The following PCDHA4 variants were observed in gnomAD, a reference collection of about 807,000 sequenced individuals.
The protein encoded by PCDHA4 is protocadherin alpha 4.
In PCDHA4, 49 loss-of-function variants were observed where a neutral mutation model predicts 61.4. That is an observed-to-expected ratio of 0.80 (90% CI 0.63 to 1.01). The LOEUF is 1.01. Among genes scored for constraint, PCDHA4 ranks in the 50% least tolerant of loss-of-function variants. PCDHA4 has a pLI of 0.00. For synonymous variants in PCDHA4, 590 were observed against 550.3 expected (o/e 1.07, Z -1.01); for missense variants, 1,254 against 1,235.8 (o/e 1.01, Z -0.22).
At chr5:140,830,335 G>C (rs1236321619) in intron 1 of PCDHA4, 10 of 1,613,956 alleles carry the variant, frequency 6.2e-6, no homozygotes, top group Non-Finnish European at 3.4e-6. Flanking sequence ...TGGGGAGCTG[G>C]TCGTACTCGC....
chr5:140,928,597 A>G (rs1554206042), intron 1 of PCDHA4: 1 of 1,614,226 alleles, frequency 6.2e-7, no homozygotes, highest in East Asian at 2.2e-5. Context: ...CCCAGTGGAA[A>G]TTGTGCCCCG....
At chr5:140,857,887 G>A (rs2044983684) in intron 1 of PCDHA4, 6 of 1,597,818 alleles carry the variant, frequency 3.8e-6, no homozygotes, top group Middle Eastern at 1.7e-4. Flanking sequence ...TGCAGTCGGC[G>A]GCGGTTGGTG....
intron 1 of PCDHA4, chr5:140,869,830 G>A: frequency 1.2e-6 from 2 of 1,611,658 alleles, no homozygotes; most frequent in Non-Finnish European, 1.7e-6. Flanking sequence ...TCCAGAGTTT[G>A]ATAAATCAGA....
chr5:140,870,391 G>C, intron 1 of PCDHA4: 1 of 1,614,230 alleles, frequency 6.2e-7, no homozygotes, highest in Non-Finnish European at 8.5e-7. Flanking sequence ...GCGGGATGGG[G>C]GTTCGCCTTC....
intron 1 of PCDHA4, chr5:140,842,268 A>C: frequency 6.2e-7 from 1 of 1,610,534 alleles, no homozygotes; most frequent in South Asian, 1.1e-5. Context: ...GAAAACTTAT[A>C]CAAAATCCTC....
At chr5:140,911,814 C>T (rs1165066555) in intron 1 of PCDHA4, among the ~76,000 whole-genome samples, 2 of 152,136 alleles carry the variant, frequency 1.3e-5, no homozygotes, top group African/African-American at 4.8e-5. Context: ...GCAGCCTTCT[C>T]CAGAAACCCC....
chr5:140,858,135 T>G lies in PCDHA4; in HGVS notation c.2385+48563T>G, dbSNP rs1215623176. 3 of 1,597,334 alleles carry G rather than the reference T, an allele frequency of 1.9e-6. No homozygotes were observed. The African/African-American group carries it at 4.0e-5, about 21-fold the overall frequency. ...GAGGTGGCCCTGGTGGATGTCAACG[T>G]GTACCTGATCATCGCCATCTGCGCG... is the stretch of plus-strand genomic sequence containing the variant. On this transcript the variant is annotated intron_variant, in intron 1 of 3. Transcript: ENST00000530339.
intron 1 of PCDHA4, among the ~76,000 whole-genome samples, chr5:140,832,218 GGA>G (rs1345967956): frequency 6.6e-6 from 1 of 152,174 alleles, no homozygotes; most frequent in Non-Finnish European, 1.5e-5. Context: ...GTGATTTCCT[GGA>G]GTTGGTTTTG....
At chr5:140,834,416 C>A (rs2150217412) in intron 1 of PCDHA4, 5 of 1,611,158 alleles carry the variant, frequency 3.1e-6, no homozygotes, top group Admixed American at 1.7e-5. Context: ...ACCCAGGGGG[C>A]CGACATCTAC....
chr5:140,882,929 G>A, intron 1 of PCDHA4: 1 of 1,614,160 alleles, frequency 6.2e-7, no homozygotes, highest in Non-Finnish European at 8.5e-7. Context: ...AGGTAAACCC[G>A]AGCTGACTGG....
chr5:140,942,926 GAA>G (rs1554215307), intron 1 of PCDHA4, among the ~76,000 whole-genome samples: 2 of 151,984 alleles, frequency 1.3e-5, no homozygotes, highest in East Asian at 3.9e-4. Flanking sequence ...AAAAAAAATT[GAA>G]AAAGAGTTTA....
At chr5:140,824,610 G>GTTTTTTTTTGT (rs1768200307) in intron 1 of PCDHA4, 1 of 95,104 alleles carries the variant, frequency 1.1e-5, no homozygotes, top group Non-Finnish European at 1.9e-5. Context: ...GCTAATTAAA[G>GTTTTTTTTTGT]TTTTTTTTTT....
intron 1 of PCDHA4, among the ~76,000 whole-genome samples, chr5:140,932,852 T>C (rs2088679496): frequency 1.3e-5 from 2 of 151,996 alleles, no homozygotes; most frequent in Non-Finnish European, 2.9e-5. Flanking sequence ...ATAATGTTAA[T>C]GACTTATTGT....
At chr5:140,937,316 C>T (rs1355509287) in intron 1 of PCDHA4, among the ~76,000 whole-genome samples, 7 of 152,044 alleles carry the variant, frequency 4.6e-5, no homozygotes, top group Admixed American at 3.9e-4. Context: ...GGATTACAGG[C>T]GTGAGCCACC....
At chr5:140,925,219 AG>A (rs1324328907) in intron 1 of PCDHA4, among the ~76,000 whole-genome samples, 1 of 152,238 alleles carries the variant, frequency 6.6e-6, no homozygotes, top group Admixed American at 6.5e-5. Context: ...ACTTTTAGGC[AG>A]GTTTCTACCA....
chr5:140,982,843 A>G (rs782122104), intron 3 of PCDHA4, among the ~76,000 whole-genome samples: 1 of 152,090 alleles, frequency 6.6e-6, no homozygotes, highest in Non-Finnish European at 1.5e-5. Flanking sequence ...GTTTGTTTAA[A>G]TCAGGTACCT....
chr5:141,010,343 G>C lies in PCDHA4; in HGVS notation c.*406G>C. 1 of 1,518,858 alleles carries C rather than the reference G, an allele frequency of 6.6e-7. No homozygotes were observed. Among genetic ancestry groups the C allele is most frequent in the Admixed American group, 2.1e-5 (1 of 46,514 alleles). 94.1% of individuals were successfully genotyped at this position (1,518,858 alleles called of 1,614,324 possible). A position where few individuals can be genotyped will look rare whatever the true frequency, so the allele number is the denominator to read the frequency against. On this transcript the variant is annotated 3_prime_UTR_variant, in exon 4 of 4. Coordinates refer to ENST00000530339, the MANE Select transcript of PCDHA4 (RefSeq NM_018907.4). ...GCAGCTTGGGAGTTTGTGGCCACTGGGTATGTGTGGCTACCGCGGGTATGC... is the reference window on the plus strand; with the variant it reads ...GCAGCTTGGGAGTTTGTGGCCACTGCGTATGTGTGGCTACCGCGGGTATGC...
intron 1 of PCDHA4, among the ~76,000 whole-genome samples, chr5:140,932,481 C>T (rs945796094): frequency 6.6e-6 from 1 of 151,842 alleles, no homozygotes; most frequent in African/African-American, 2.4e-5. Flanking sequence ...AGGATATCTC[C>T]TCTTTGCAAT....
chr5:140,934,587 T>C (rs1316719317), intron 1 of PCDHA4, among the ~76,000 whole-genome samples: 1 of 152,176 alleles, frequency 6.6e-6, no homozygotes, highest in Non-Finnish European at 1.5e-5. Flanking sequence ...ATTTCTGTAA[T>C]GGGTCTTCAA....
Sources: gnomAD v4.1 joint callset for allele counts (sites outside exome capture counted in the v4.1 genomes callset) on GRCh38, gnomAD v4.1.1 for gene constraint, MANE v1.5 for transcripts, NCBI Gene and HGNC (gene_info 2026-07-23, HGNC 2026-07-21) for gene names.